F5: variants seen among roughly 807,000 people sequenced by gnomAD.
The protein encoded by F5 is coagulation factor V.
In F5, 138 loss-of-function variants were observed where a neutral mutation model predicts 216.4. The observed-to-expected ratio is 0.64, with a 90% confidence interval of 0.56 to 0.73. The LOEUF is 0.73. Among genes scored for constraint, F5 ranks in the 30% least tolerant of loss-of-function variants. The pLI is 0.00. For synonymous variants in F5, 916 were observed against 930.7 expected (o/e 0.98, Z 0.29); for missense variants, 2,403 against 2,674.0 (o/e 0.90, Z 2.24).
intron 2 of F5, among the ~76,000 whole-genome samples, chr1:169,581,910 C>CA (rs935437625): frequency 1.3e-5 from 2 of 151,978 alleles, no homozygotes; most frequent in African/African-American, 4.8e-5. Context: ...TCTAGGGAGC[C>CA]AAATGGAAGC....
At chr1:169,539,284 T>C (rs1417881839) in intron 13 of F5, among the ~76,000 whole-genome samples, 2 of 152,272 alleles carry the variant, frequency 1.3e-5, no homozygotes, top group East Asian at 1.9e-4. Flanking sequence ...TTCCAGACTC[T>C]GAGCATAACA....
intron 12 of F5, among the ~76,000 whole-genome samples, chr1:169,543,634 A>G (rs1659928676): frequency 6.6e-6 from 1 of 152,214 alleles, no homozygotes; most frequent in African/African-American, 2.4e-5. Flanking sequence ...ATTCACGAGG[A>G]CAATTTTGAA....
At chr1:169,534,108 C>A (rs1368750526) in intron 14 of F5, among the ~76,000 whole-genome samples, 1 of 152,150 alleles carries the variant, frequency 6.6e-6, no homozygotes, top group Non-Finnish European at 1.5e-5. Flanking sequence ...ATTACTGGTG[C>A]ATGCAGCCCC....
In F5 at chr1:169,542,345, A is replaced by G. The variant is rs753097926; in HGVS notation, c.2745T>C (p.Thr915=). 16 of 1,600,306 alleles carry G rather than the reference A, an allele frequency of 1.0e-5. No homozygotes were observed. Among genetic ancestry groups the G allele is most frequent in the South Asian group, 8.9e-5 (8 of 90,012 alleles). The change falls in exon 13 of 25, where the codon ACT becomes ACC. Residue 915 remains threonine, a synonymous_variant. Transcript: ENST00000367797. ...AGGGCCTCATTCTGGAAGGAGAACC[A>G]GTGTCTTGGCTAGGAAGGTCCTCCC... ...RPWEDLPSQD[T]GSPSRMRPWK...
At chr1:169,561,066 G>A (rs563929288) in intron 3 of F5, among the ~76,000 whole-genome samples, 1 of 152,204 alleles carries the variant, frequency 6.6e-6, no homozygotes, top group East Asian at 1.9e-4. Context: ...GAATTGAATC[G>A]CCTTTGATTA....
chr1:169,512,024 CCAAA>C lies in F5; in HGVS notation c.*2285_*2288del, dbSNP rs1163726941. Among the ~76,000 whole-genome samples, 3 of 151,812 alleles carry C rather than the reference CCAAA, an allele frequency of 2.0e-5. No individual in the cohort carries two copies. Among genetic ancestry groups the C allele is most frequent in the African/African-American group, 7.3e-5 (3 of 41,336 alleles). Reference sequence around the variant, plus strand: ...TTTCTACACAGCATTAGATAATAGCCCAAACATATTATTGATCCCCAAACAAGTA... The same window carrying C: ...TTTCTACACAGCATTAGATAATAGCCCATATTATTGATCCCCAAACAAGTA... On this transcript the variant is annotated 3_prime_UTR_variant, in exon 25 of 25. Transcript: ENST00000367797.
rs1423548197 is a variant in F5 at position 169,555,457 on chromosome 1, A to G, written c.953-110T>C. 13 of 1,187,006 alleles carry G rather than the reference A, an allele frequency of 1.1e-5. No homozygotes were observed. The East Asian group carries it at 3.3e-4, about 30-fold the overall frequency. The allele number at this position is 1,187,006 out of a possible 1,614,324, so 73.5% of individuals were successfully genotyped here. A position where few individuals can be genotyped will look rare whatever the true frequency, so the allele number is the denominator to read the frequency against. ...GGAAGGTTTATATTAATATAATAAG[A>G]GTGAAAGTAATGCTCAGGCAATTTT... On this transcript the variant is annotated intron_variant, in intron 6 of 24. Transcript: ENST00000367797.
chr1:169,533,950 G>A (rs984208960), intron 14 of F5, among the ~76,000 whole-genome samples: 1 of 152,084 alleles, frequency 6.6e-6, no homozygotes, highest in Non-Finnish European at 1.5e-5. Context: ...AGGCAGAAAT[G>A]AAATCCACAA....
intron 2 of F5, among the ~76,000 whole-genome samples, chr1:169,581,561 T>C (rs984201022): frequency 2.0e-5 from 3 of 152,054 alleles, no homozygotes; most frequent in Non-Finnish European, 4.4e-5. Flanking sequence ...TATTGAAGAT[T>C]AAAGGAGATC....
intron 18 of F5, 151 bp downstream of exon 18, chr1:169,525,750 C>A: frequency 1.4e-6 from 1 of 702,330 alleles, no homozygotes. Flanking sequence ...GCAATCAGAC[C>A]ATGGGCCGGA....
chr1:169,545,116 C>T (rs975061325), intron 11 of F5, among the ~76,000 whole-genome samples: 8 of 152,174 alleles, frequency 5.3e-5, no homozygotes, highest in Admixed American at 1.3e-4. Context: ...ATGTCTACCT[C>T]GATTACCACT....
intron 11 of F5, 35 bp from the exon 12 acceptor site, chr1:169,544,543 A>G: frequency 6.4e-7 from 1 of 1,573,696 alleles, no homozygotes; most frequent in Non-Finnish European, 8.7e-7. Context: ...TTCCAAGTCT[A>G]TGCCAACAAA....
chr1:169,526,045 T>A (rs1268327922), intron 17 of F5, 28 bp from the exon 18 acceptor site: 1 of 1,489,746 alleles, frequency 6.7e-7, no homozygotes, highest in Admixed American at 1.7e-5. Flanking sequence ...ACATTACATT[T>A]GCAAAAATTA....
chr1:169,528,104 C>T lies in F5; in HGVS notation c.5420-10G>A. 6.2e-7 allele frequency: 1 copy of T among 1,613,590 alleles called. No individual in the cohort carries two copies. The highest frequency in any genetic ancestry group is 8.5e-7 in the Non-Finnish European group (1 of 1,179,710). On this transcript the variant is annotated splice_polypyrimidine_tract_variant and intron_variant, in intron 16 of 24. Coordinates refer to ENST00000367797, the MANE Select transcript of F5 (RefSeq NM_000130.5). ...ATCATCCCATTAATGGCTGAAAGGA[C>T]AAAGAGTTGAAATCAATTAAAAATC...
chr1:169,541,803 G>A lies in F5; in HGVS notation c.3287C>T (p.Ser1096Leu). 6.2e-7 allele frequency: 1 copy of A among 1,614,096 alleles called. No individual in the cohort carries two copies. Among genetic ancestry groups the A allele is most frequent in the Admixed American group, 1.7e-5 (1 of 60,002 alleles). ...GGAATTCTGATTATGGTCAGGAAGT[G>A]AGGCTATCCAGCCAAAATCCATAGA... ...LPSMDFGWIASLPDHNQNSSN... is the reference protein window; with the variant it reads ...LPSMDFGWIALLPDHNQNSSN... Residue 1096 changes from serine (S) to leucine (L), a missense_variant, in exon 13 of 25, where the codon TCA becomes TTA. Around this residue, in one of 4 missense-constraint regions of F5, gnomAD observed 1,425 missense variants for 1,554.8 expected, o/e 0.92. Coordinates refer to ENST00000367797, the MANE Select transcript of F5 (RefSeq NM_000130.5).
chr1:169,527,187 T>G (rs907719535), intron 17 of F5, among the ~76,000 whole-genome samples: 3 of 152,130 alleles, frequency 2.0e-5, no homozygotes, highest in African/African-American at 7.2e-5. Flanking sequence ...AAATACAGAC[T>G]CCTTGGAATT....
Position 169,541,511 on chromosome 1 carries a change from C to T in F5, c.3579G>A (p.Val1193=), listed in dbSNP as rs1218888950. 1 of 1,613,354 alleles carries T rather than the reference C, an allele frequency of 6.2e-7. No homozygotes were observed. The highest frequency in any genetic ancestry group is 1.7e-5 in the Admixed American group (1 of 59,964). The part of the protein sequence containing the change: ...QTVISPDLSQ[V]TLSPELSQTN... ...TCTGGCTGAGTTCTGGAGAGAGGGTCACCTGGCTGAGGTCTGGAGAGATGA... is the reference window on the plus strand; with the variant it reads ...TCTGGCTGAGTTCTGGAGAGAGGGTTACCTGGCTGAGGTCTGGAGAGATGA... The change falls in exon 13 of 25, where the codon GTG becomes GTA. Residue 1193 remains valine, a synonymous_variant. Transcript: ENST00000367797.
In F5 at chr1:169,577,601, ATATG is replaced by A. The variant is rs1245326588; in HGVS notation, c.250+4826_250+4829del. On this transcript the variant is annotated intron_variant, in intron 2 of 24. Transcript: ENST00000367797. ...TATATATATATATATATATATATATATATGTATGTATTTTTTTAAATAGAAACAG... is the reference window on the plus strand; with the variant it reads ...TATATATATATATATATATATATATATATGTATTTTTTTAAATAGAAACAG... 8.9e-3 allele frequency among the ~76,000 whole-genome samples: 861 copies of A among 96,660 alleles called. 6 individuals carry two copies. Among genetic ancestry groups the A allele is most frequent in the Non-Finnish European group, 0.011 (581 of 50,564 alleles). The allele number at this position is 96,660 out of a possible 152,430, so 63.4% of individuals were successfully genotyped here.
Position 169,513,640 on chromosome 1 carries a change from A to G in F5, c.*673T>C, listed in dbSNP as rs560233339. Among the ~76,000 whole-genome samples, 5 of 152,224 alleles carry G rather than the reference A, an allele frequency of 3.3e-5. No homozygotes were observed. In the South Asian group the frequency reaches 1.0e-3, roughly 32 times the overall value. On this transcript the variant is annotated 3_prime_UTR_variant, in exon 25 of 25. Coordinates refer to ENST00000367797, the MANE Select transcript of F5 (RefSeq NM_000130.5). Reference sequence around the variant, plus strand: ...ATGTAGTACCAGCTAGAATAAAGCCAACATTACACATTCAGTTCTACCATG... The same window carrying G: ...ATGTAGTACCAGCTAGAATAAAGCCGACATTACACATTCAGTTCTACCATG...
Sources: allele counts gnomAD v4.1 joint callset (sites outside exome capture counted in the v4.1 genomes callset), GRCh38; gene constraint gnomAD v4.1.1; regional missense constraint gnomAD v4.1.1; transcripts MANE v1.5; gene names NCBI Gene and HGNC (gene_info 2026-07-23, HGNC 2026-07-21).